Variants in CACNA2D3 observed in about 807,000 individuals in gnomAD.
CACNA2D3 encodes the protein calcium voltage-gated channel auxiliary subunit alpha2delta 3, also known as voltage-dependent calcium channel subunit alpha-2/delta-3.
In CACNA2D3, 60 loss-of-function variants were observed where a neutral mutation model predicts 160.6. That is an observed-to-expected ratio of 0.37 (90% CI 0.30 to 0.46). The LOEUF is 0.46. Ranked by LOEUF, CACNA2D3 falls within the 20% of genes least tolerant of loss-of-function variation. The probability of loss-of-function intolerance (pLI) is 1.00; values close to 1 mark genes in which losing one functional copy is unlikely to be tolerated. For missense variants in CACNA2D3, 1,205 were observed against 1,365.0 expected (o/e 0.88, Z 1.85); for synonymous variants, 558 against 492.9 (o/e 1.13, Z -1.75).
intron 2 of CACNA2D3, among the ~76,000 whole-genome samples, chr3:54,165,113 C>CTTTTTT (rs1700425371): frequency 1.6e-5 from 1 of 61,320 alleles, no homozygotes. Flanking sequence ...CTCTGAATCT[C>CTTTTTT]ATTTTTTTTT....
At chr3:54,384,310 G>A (rs1256369118) in intron 3 of CACNA2D3, among the ~76,000 whole-genome samples, 1 of 152,140 alleles carries the variant, frequency 6.6e-6, no homozygotes, top group Non-Finnish European at 1.5e-5. Context: ...GATAATGTAA[G>A]TATTCAGACA....
At chr3:54,454,945 A>G (rs539348766) in intron 4 of CACNA2D3, among the ~76,000 whole-genome samples, 1 of 152,196 alleles carries the variant, frequency 6.6e-6, no homozygotes, top group Middle Eastern at 3.4e-3. Flanking sequence ...TTTAAGGCTG[A>G]CTTGTATATA....
At chr3:54,418,123 T>G (rs1456335814) in intron 4 of CACNA2D3, among the ~76,000 whole-genome samples, 1 of 152,200 alleles carries the variant, frequency 6.6e-6, no homozygotes, top group African/African-American at 2.4e-5. Context: ...GGACTTTTTT[T>G]GGGTAATTTT....
chr3:54,600,063 G>GCAAC (rs1703034400), intron 9 of CACNA2D3, among the ~76,000 whole-genome samples: 2 of 152,224 alleles, frequency 1.3e-5, no homozygotes, highest in African/African-American at 4.8e-5. Flanking sequence ...ACTGGAGGTT[G>GCAAC]GAGCTGAAGG....
intron 5 of CACNA2D3, among the ~76,000 whole-genome samples, chr3:54,518,163 C>T (rs1701584114): frequency 6.6e-6 from 1 of 152,192 alleles, no homozygotes. Flanking sequence ...AGAGCTGAGA[C>T]TAACACTGTG....
chr3:55,053,125 C>T (rs1184589746), intron 35 of CACNA2D3, among the ~76,000 whole-genome samples: 3 of 152,136 alleles, frequency 2.0e-5, no homozygotes, highest in Admixed American at 6.5e-5. Context: ...AAATTTGTTT[C>T]TTCCTCTTTG....
At chr3:54,350,966 CTGTTTTTTTTTTTT>C (rs1698542417) in intron 3 of CACNA2D3, among the ~76,000 whole-genome samples, 1 of 63,286 alleles carries the variant, frequency 1.6e-5, no homozygotes, top group African/African-American at 4.8e-5. Context: ...GATCTTGAGT[CTGTTTTTTTTTTTT>C]TGTTTGTTTT....
At chr3:54,188,344 T>C (rs368483241) in intron 2 of CACNA2D3, among the ~76,000 whole-genome samples, 1 of 152,168 alleles carries the variant, frequency 6.6e-6, no homozygotes, top group South Asian at 2.1e-4. Context: ...GCTGTAATGA[T>C]TCAGCACCAA....
chr3:54,813,172 A>G (rs1217249461), intron 13 of CACNA2D3, among the ~76,000 whole-genome samples: 1 of 152,174 alleles, frequency 6.6e-6, no homozygotes, highest in African/African-American at 2.4e-5. Flanking sequence ...TTGAGGATGT[A>G]TTCAGTTATA....
chr3:54,377,147 A>C (rs1699026280), intron 3 of CACNA2D3, among the ~76,000 whole-genome samples: 1 of 152,190 alleles, frequency 6.6e-6, no homozygotes, highest in Non-Finnish European at 1.5e-5. Context: ...CAAACAGCTT[A>C]ATTTCTGTGT....
intron 11 of CACNA2D3, among the ~76,000 whole-genome samples, chr3:54,743,939 G>A (rs774566583): frequency 6.6e-6 from 1 of 152,156 alleles, no homozygotes; most frequent in Non-Finnish European, 1.5e-5. Flanking sequence ...CTGGCCCTTT[G>A]CCAAGCACTG....
intron 2 of CACNA2D3, among the ~76,000 whole-genome samples, chr3:54,145,939 G>T (rs1700021429): frequency 6.6e-6 from 1 of 152,048 alleles, no homozygotes; most frequent in Non-Finnish European, 1.5e-5. Context: ...GGTTTCATCA[G>T]TTTGTCTTTT....
chr3:54,983,873 C>T (rs1315351920), intron 29 of CACNA2D3, among the ~76,000 whole-genome samples: 1 of 152,210 alleles, frequency 6.6e-6, no homozygotes, highest in African/African-American at 2.4e-5. Context: ...TTAAACTCCA[C>T]AGCACTGTAA....
At chr3:54,386,681 A>G (rs1252969606) in intron 3 of CACNA2D3, 34 bp from the exon 4 acceptor site, 15 of 1,516,538 alleles carry the variant, frequency 9.9e-6, no homozygotes, top group Non-Finnish European at 1.3e-5. Flanking sequence ...TCTGATCCTT[A>G]ATGCTGTCTT....
chr3:54,991,219 C>T (rs1425084634), intron 31 of CACNA2D3, among the ~76,000 whole-genome samples: 3 of 150,344 alleles, frequency 2.0e-5, no homozygotes, highest in Non-Finnish European at 4.4e-5. Context: ...CAAAAAGTGT[C>T]GAGTATTTTT....
chr3:54,781,173 T>C (rs79247794), intron 13 of CACNA2D3, among the ~76,000 whole-genome samples: 19,611 of 152,134 alleles, frequency 0.13, 1,725 homozygotes, highest in Non-Finnish European at 0.18. Context: ...AAAAGAAGAT[T>C]AGTGGTTGGG....
At chr3:54,327,606 T>G (rs1336080747) in intron 3 of CACNA2D3, among the ~76,000 whole-genome samples, 1 of 152,252 alleles carries the variant, frequency 6.6e-6, no homozygotes, top group Non-Finnish European at 1.5e-5. Flanking sequence ...AGCACCCATG[T>G]GTTTTTTAAT....
intron 3 of CACNA2D3, among the ~76,000 whole-genome samples, chr3:54,372,363 T>C (rs1698939475): frequency 6.6e-6 from 1 of 152,172 alleles, no homozygotes; most frequent in African/African-American, 2.4e-5. Flanking sequence ...AGTATTGTGC[T>C]GGAAGCAAGA....
chr3:54,280,068 G>GTTTATTTATTTATTTA, intron 2 of CACNA2D3, among the ~76,000 whole-genome samples: 1 of 135,466 alleles, frequency 7.4e-6, no homozygotes, highest in South Asian at 2.4e-4. Flanking sequence ...TTGTTTGTTT[G>GTTTATTTATTTATTTA]TTTATTTATT....
Sources: allele counts gnomAD v4.1 joint callset (sites outside exome capture counted in the v4.1 genomes callset), GRCh38; gene constraint gnomAD v4.1.1; transcripts MANE v1.5; gene names NCBI Gene and HGNC (gene_info 2026-07-23, HGNC 2026-07-21).